Variants in RAI14 observed in about 807,000 individuals in gnomAD.
RAI14 encodes retinoic acid induced 14.
In RAI14, 45 loss-of-function variants were observed where a neutral mutation model predicts 115.4. That is an observed-to-expected ratio of 0.39 (90% CI 0.31 to 0.50). The LOEUF (loss-of-function observed/expected upper bound fraction) is 0.50. Among genes scored for constraint, RAI14 ranks in the 20% least tolerant of loss-of-function variants. The pLI, the probability that RAI14 is intolerant of heterozygous loss-of-function variation, is 0.85. For synonymous variants in RAI14, 371 were observed against 415.4 expected, an observed-to-expected ratio of 0.89 and a Z score of 1.30; for missense variants, 939 against 1,131.2, an observed-to-expected ratio of 0.83 and a Z score of 2.44.
intron 3 of RAI14, among the ~76,000 whole-genome samples, chr5:34,789,419 T>TGCC (rs1041387344): frequency 1.3e-5 from 2 of 152,236 alleles, no homozygotes; most frequent in African/African-American, 4.8e-5. Context: ...GGCTTGCTGC[T>TGCC]GCCAAACCCT....
rs374590554 is a variant in RAI14 at position 34,713,719 on chromosome 5, A to C, written c.36+26764A>C. ...CTTGGCTGAGGAGCTTTTTAATGGG[A>C]AATTCTTAGATGGCTTCATTGTCTA... On this transcript the variant is annotated intron_variant, in intron 2 of 17. Coordinates refer to ENST00000265109, the MANE Select transcript of RAI14 (RefSeq NM_015577.3). 6.6e-5 allele frequency among the ~76,000 whole-genome samples: 10 copies of C among 150,974 alleles called. No individual in the cohort carries two copies. The East Asian group carries it at 1.8e-3, about 27-fold the overall frequency.
rs199995400 is a variant in RAI14, at chr5:34,683,750, T to TG, written c.-48-3120dup. On this transcript the variant is annotated intron_variant, in intron 1 of 17. Coordinates refer to ENST00000265109, the MANE Select transcript of RAI14 (RefSeq NM_015577.3). ...TTCCCACCTTTTTTTTTTTTTGAGA[T>TG]GGAGTCTCACTCTGTCGCCCAGGGT... Among the ~76,000 whole-genome samples, 70 of 151,688 alleles carry TG rather than the reference T, an allele frequency of 4.6e-4. 1 individual carries two copies. In the East Asian group the frequency reaches 0.013, roughly 28 times the overall value.
At chr5:34,659,090 A>G (rs2149836694) in intron 1 of RAI14, 1 of 152,336 alleles carries the variant, frequency 6.6e-6, no homozygotes, top group South Asian at 2.1e-4. Flanking sequence ...TGTGTTTAAC[A>G]TTTTACATAA....
chr5:34,830,888 C>T lies in RAI14; in HGVS notation c.*123C>T. 1 of 1,490,148 alleles carries T rather than the reference C, an allele frequency of 6.7e-7. No homozygotes were observed. The highest frequency in any genetic ancestry group is 8.9e-7 in the Non-Finnish European group (1 of 1,117,584). 92.3% of individuals were successfully genotyped at this position (1,490,148 alleles called of 1,614,324 possible). ...CACTGTGGCCTAGCGTAGCTTCTTC[C>T]CTTTCCAAAGGTTTCTGAGGACTTC... is the stretch of plus-strand genomic sequence containing the variant. On this transcript the variant is annotated 3_prime_UTR_variant, in exon 18 of 18. Coordinates refer to ENST00000265109, the MANE Select transcript of RAI14 (RefSeq NM_015577.3).
chr5:34,736,325 G>A (rs1229902001), intron 2 of RAI14, among the ~76,000 whole-genome samples: 2 of 152,198 alleles, frequency 1.3e-5, no homozygotes, highest in South Asian at 2.1e-4. Context: ...GCTTGAACCC[G>A]GGTGGCGGAG....
chr5:34,794,943 T>TG lies in RAI14; in HGVS notation c.168-995dup, dbSNP rs372293074. ...GAGGTACAGACACCAAGGGACTTCA[T>TG]GAGAGGTATCCTGAGGGCACATCCC... On this transcript the variant is annotated intron_variant, in intron 3 of 17. Coordinates refer to ENST00000265109, the MANE Select transcript of RAI14 (RefSeq NM_015577.3). Among the ~76,000 whole-genome samples, 337 of 152,250 alleles carry TG rather than the reference T, an allele frequency of 2.2e-3. 1 individual carries two copies. The highest frequency in any genetic ancestry group is 7.8e-3 in the African/African-American group (326 of 41,540).
chr5:34,780,388 A>G (rs562997401), intron 3 of RAI14, among the ~76,000 whole-genome samples: 24 of 152,336 alleles, frequency 1.6e-4, no homozygotes, highest in Non-Finnish European at 2.5e-4. Context: ...TAATTAAACT[A>G]AAGAGCTTCT....
chr5:34,801,436 GA>G (rs1339300229), intron 4 of RAI14, among the ~76,000 whole-genome samples: 6 of 152,158 alleles, frequency 3.9e-5, no homozygotes, highest in African/African-American at 1.4e-4. Flanking sequence ...GTTACAGACT[GA>G]AGACTGATTT....
intron 2 of RAI14, among the ~76,000 whole-genome samples, chr5:34,694,011 C>T (rs542984304): frequency 1.3e-5 from 2 of 152,312 alleles, no homozygotes; most frequent in African/African-American, 2.4e-5. Flanking sequence ...TCTCTGTCTA[C>T]GTGGAGCTCC....
chr5:34,805,653 A>G (rs1754796365), intron 5 of RAI14, among the ~76,000 whole-genome samples: 1 of 152,134 alleles, frequency 6.6e-6, no homozygotes, highest in South Asian at 2.1e-4. Flanking sequence ...CAGCCTGGCC[A>G]ACATGGTGAA....
At chr5:34,720,308 A>G (rs1742509093) in intron 2 of RAI14, among the ~76,000 whole-genome samples, 1 of 151,104 alleles carries the variant, frequency 6.6e-6, no homozygotes. Flanking sequence ...AGGGAGGATG[A>G]TGGGTTGTTT....
At position 34,712,114 on chromosome 5, in the gene RAI14, A is replaced by G. The variant is rs544053035; in HGVS notation, c.36+25159A>G. 1.7e-3 allele frequency among the ~76,000 whole-genome samples: 255 copies of G among 152,198 alleles called. 9 individuals carry two copies. The South Asian group carries it at 0.051, about 31-fold the overall frequency. On this transcript the variant is annotated intron_variant, in intron 2 of 17. Transcript: ENST00000265109. ...CCTCTAAGCCTCTCTTTATTTGTGT[A>G]GACTTATCTCTAGTTAAAACCACTT...
At chr5:34,768,735 T>C (rs530002551) in intron 3 of RAI14, among the ~76,000 whole-genome samples, 1 of 152,252 alleles carries the variant, frequency 6.6e-6, no homozygotes, top group South Asian at 2.1e-4. Flanking sequence ...ACACCTGTAA[T>C]CCCAGCACTT....
At chr5:34,811,208 T>C (rs1422384450) in intron 8 of RAI14, 90 bp downstream of exon 8, 2 of 1,418,114 alleles carry the variant, frequency 1.4e-6, no homozygotes, top group Admixed American at 3.6e-5. Context: ...TTTTGGATCA[T>C]TTGTTATAAG....
At chr5:34,778,636 AGGCGGGTTTGGT>A (rs1188196125) in intron 3 of RAI14, among the ~76,000 whole-genome samples, 13 of 152,108 alleles carry the variant, frequency 8.5e-5, no homozygotes, top group African/African-American at 3.1e-4. Context: ...ATGAAGATGT[AGGCGGGTTTGGT>A]GGCTCACACC....
Position 34,830,337 on chromosome 5 carries a change from G to A in RAI14, c.2866-351G>A, listed in dbSNP as rs116533169. ...TGATGTGGTCCTCCACTGGGAAGAC[G>A]GGGGCTTTATTTTCCAGCAATGCTG... On this transcript the variant is annotated intron_variant, in intron 17 of 17. Coordinates refer to ENST00000265109, the MANE Select transcript of RAI14 (RefSeq NM_015577.3). Among the ~76,000 whole-genome samples the A allele has an allele frequency of 4.5e-3, 690 of 152,218 alleles. 1 individual carries two copies. The highest frequency in any genetic ancestry group is 0.015 in the African/African-American group (628 of 41,548).
intron 2 of RAI14, among the ~76,000 whole-genome samples, chr5:34,712,502 A>G (rs1741514793): frequency 6.6e-6 from 1 of 152,204 alleles, no homozygotes; most frequent in Non-Finnish European, 1.5e-5. Flanking sequence ...GCATAGGACT[A>G]GAGGAAAGCA....
At chr5:34,662,428 C>A (rs1197931453) in intron 1 of RAI14, among the ~76,000 whole-genome samples, 1 of 152,130 alleles carries the variant, frequency 6.6e-6, no homozygotes, top group Non-Finnish European at 1.5e-5. Context: ...GTTGACAAAA[C>A]AAAGCTAAAT....
intron 4 of RAI14, among the ~76,000 whole-genome samples, chr5:34,797,194 A>G (rs1256063517): frequency 4.6e-5 from 7 of 152,184 alleles, no homozygotes; most frequent in African/African-American, 1.7e-4. Flanking sequence ...TTACTGGGAT[A>G]CAAAATTAGC....
Sources: gnomAD v4.1 joint callset for allele counts (sites outside exome capture counted in the v4.1 genomes callset) on GRCh38, gnomAD v4.1.1 for gene constraint, MANE v1.5 for transcripts, NCBI Gene and HGNC (gene_info 2026-07-23, HGNC 2026-07-21) for gene names.